Variants in PLXNA4 observed in about 807,000 individuals in gnomAD.
PLXNA4 encodes the protein plexin-A4.
PLXNA4 carries 44 observed loss-of-function variants against 191.8 expected under a neutral mutation model. The ratio of observed to expected loss-of-function variants is 0.23; its 90% CI spans 0.18 to 0.29. The LOEUF (loss-of-function observed/expected upper bound fraction) is 0.29, where lower values mean the gene tolerates loss of function less well. PLXNA4 is among the 10% of genes least tolerant of loss of function. The pLI is 1.00. For missense variants in PLXNA4, 1,800 were observed against 2,488.8 expected (o/e 0.72, Z 5.89); for synonymous variants, 1,082 against 1,009.5 (o/e 1.07, Z -1.36).
intron 3 of PLXNA4, among the ~76,000 whole-genome samples, chr7:132,330,562 G>A (rs761820187): frequency 3.3e-4 from 51 of 152,240 alleles, no homozygotes; most frequent in Non-Finnish European, 2.9e-5. Flanking sequence ...ATGTAAAGAA[G>A]TTGGCTAAGC....
intron 3 of PLXNA4, among the ~76,000 whole-genome samples, chr7:132,329,656 AC>A (rs1802513476): frequency 1.3e-5 from 2 of 152,252 alleles, no homozygotes; most frequent in Admixed American, 1.3e-4. Context: ...ATAATAACTC[AC>A]AAGTCCTTTG....
intron 2 of PLXNA4, among the ~76,000 whole-genome samples, chr7:132,500,062 C>T (rs901817410): frequency 1.3e-5 from 2 of 152,208 alleles, no homozygotes; most frequent in African/African-American, 4.8e-5. Context: ...TGGTGATGTG[C>T]AGTCCTTCCC....
At chr7:132,498,444 A>G (rs1563134797) in intron 2 of PLXNA4, among the ~76,000 whole-genome samples, 1 of 152,044 alleles carries the variant, frequency 6.6e-6, no homozygotes, top group Non-Finnish European at 1.5e-5. Flanking sequence ...TGTGCAGGGA[A>G]ACACCCCCTT....
chr7:132,254,703 CCACCGGACTGTAGTAGTA>C (rs1207828942), intron 4 of PLXNA4, among the ~76,000 whole-genome samples: 1 of 152,164 alleles, frequency 6.6e-6, no homozygotes, highest in African/African-American at 2.4e-5. Context: ...GGAGCTGACC[CCACCGGACTGTAGTAGTA>C]GGCCAGTTGC....
At position 132,379,508 on chromosome 7, in the gene PLXNA4, T is replaced by G. The variant is rs541798176; in HGVS notation, c.1372-81286A>C. 6.5e-4 allele frequency among the ~76,000 whole-genome samples: 99 copies of G among 152,338 alleles called. 1 individual carries two copies. The highest frequency in any genetic ancestry group is 2.4e-3 in the African/African-American group (99 of 41,568). On this transcript the variant is annotated intron_variant, in intron 3 of 31. Coordinates refer to ENST00000321063, the MANE Select transcript of PLXNA4 (RefSeq NM_020911.2). ...TCTGCCTTACAGATCCCCATGGACC[T>G]TGCATTCCTCCATGGAAGCCTTTGT...
chr7:132,452,751 T>C (rs534493678), intron 3 of PLXNA4, among the ~76,000 whole-genome samples: 3 of 152,304 alleles, frequency 2.0e-5, no homozygotes, highest in Admixed American at 2.0e-4. Flanking sequence ...GACATGAGCA[T>C]CAGTGCAAGG....
At chr7:132,475,909 G>A (rs571931950) in intron 3 of PLXNA4, among the ~76,000 whole-genome samples, 8 of 152,236 alleles carry the variant, frequency 5.3e-5, no homozygotes, top group African/African-American at 1.9e-4. Flanking sequence ...CAAAGTGGGC[G>A]AGTCAGAGGT....
In PLXNA4 at chr7:132,634,288, A is replaced by G. The variant is rs141232009; in HGVS notation, c.-87+11640T>C. Among the ~76,000 whole-genome samples, 798 of 152,290 alleles carry G rather than the reference A, an allele frequency of 5.2e-3. 9 individuals are homozygous for G. Among genetic ancestry groups the G allele is most frequent in the African/African-American group, 0.019 (772 of 41,556 alleles). On this transcript the variant is annotated intron_variant, in intron 2 of 4. Coordinates refer to the PLXNA4 transcript ENST00000378539. ...CTGCATGCTTTTTACAAACAGTAGC[A>G]GTTCTCCTGTCCAGCCCACTGCCAC...
intron 2 of PLXNA4, among the ~76,000 whole-genome samples, chr7:132,597,974 C>CCAGG (rs1469614171): frequency 6.6e-6 from 1 of 152,060 alleles, no homozygotes; most frequent in African/African-American, 2.4e-5. Context: ...CAGATTGCAC[C>CCAGG]TGGGTGCAAT....
intron 31 of PLXNA4, among the ~76,000 whole-genome samples, chr7:132,132,425 C>CTGTTCTGT (rs1563048025): frequency 1.4e-5 from 1 of 74,026 alleles, no homozygotes; most frequent in African/African-American, 5.4e-5. Context: ...CTGTTCTGTT[C>CTGTTCTGT]TGTTCTGTTC....
rs540096842 is a variant in PLXNA4 at position 132,126,666 on chromosome 7, C to G, written c.*3813G>C. ...CTTCCTGGGAACAGTCCTGGACAGT[C>G]TGCCTCAAACTTTGGGATTTATTTA... On this transcript the variant is annotated 3_prime_UTR_variant, in exon 32 of 32. Coordinates refer to ENST00000321063, the MANE Select transcript of PLXNA4 (RefSeq NM_020911.2). The G allele has an allele frequency of 6.6e-6, 1 of 151,786 alleles. No homozygotes were observed. Among genetic ancestry groups the G allele is most frequent in the Non-Finnish European group, 1.5e-5 (1 of 67,672 alleles). The allele number at this position is 151,786 out of a possible 1,614,324, so 9.4% of individuals were successfully genotyped here.
At chr7:132,537,633 G>A (rs556833427) in intron 1 of PLXNA4, among the ~76,000 whole-genome samples, 56 of 152,304 alleles carry the variant, frequency 3.7e-4, no homozygotes, top group African/African-American at 1.3e-3. Flanking sequence ...GGAAGAGGGT[G>A]GGAGGCATCT....
intron 4 of PLXNA4, among the ~76,000 whole-genome samples, chr7:132,276,575 G>C (rs1345311102): frequency 6.6e-6 from 1 of 152,030 alleles, no homozygotes; most frequent in African/African-American, 2.4e-5. Context: ...TAAGTTAATA[G>C]AAAAGGTTTC....
intron 2 of PLXNA4, among the ~76,000 whole-genome samples, chr7:132,630,676 T>A (rs769669768): frequency 6.6e-6 from 1 of 151,996 alleles, no homozygotes; most frequent in Non-Finnish European, 1.5e-5. Context: ...CACACCCGGC[T>A]AATTTTTTGT....
At chr7:132,352,985 GA>G (rs202211260) in intron 3 of PLXNA4, among the ~76,000 whole-genome samples, 15 of 151,348 alleles carry the variant, frequency 9.9e-5, no homozygotes, top group Admixed American at 2.0e-4. Flanking sequence ...GCTCAAACAT[GA>G]AAAAAAAATC....
chr7:132,264,672 C>T (rs183514882), intron 4 of PLXNA4, among the ~76,000 whole-genome samples: 33 of 148,264 alleles, frequency 2.2e-4, no homozygotes, highest in African/African-American at 7.3e-4. Flanking sequence ...GAAATACTGT[C>T]GGTCCTCCCC....
chr7:132,648,631 A>G (rs1249269167), exon 1 of PLXNA4: 4 of 152,186 alleles, frequency 2.6e-5, no homozygotes, highest in Non-Finnish European at 5.9e-5. Flanking sequence ...ACGCTGGGCC[A>G]CGCTACTAGT....
intron 1 of PLXNA4, among the ~76,000 whole-genome samples, chr7:132,563,073 C>CT (rs1801373701): frequency 9.7e-6 from 1 of 103,086 alleles, no homozygotes. Flanking sequence ...CCTCCTCCTC[C>CT]TCCTTCTCCT....
At chr7:132,385,318 A>C (rs1473195451) in intron 3 of PLXNA4, 1 of 1,601,156 alleles carries the variant, frequency 6.2e-7, no homozygotes, top group Non-Finnish European at 8.5e-7. Context: ...AAACCTTAGC[A>C]GACTTAGACC....
Sources: allele counts gnomAD v4.1 joint callset (sites outside exome capture counted in the v4.1 genomes callset), GRCh38; gene constraint gnomAD v4.1.1; transcripts MANE v1.5; gene names NCBI Gene and HGNC (gene_info 2026-07-23, HGNC 2026-07-21).